Variants in FAM53B observed in about 807,000 individuals in gnomAD.
FAM53B encodes protein FAM53B.
FAM53B carries 12 observed loss-of-function variants against 32.7 expected under a neutral mutation model. The ratio of observed to expected loss-of-function variants is 0.37; its 90% CI spans 0.24 to 0.59. FAM53B has a LOEUF of 0.59. Among genes scored for constraint, FAM53B ranks in the 20% least tolerant of loss-of-function variants. The pLI is 0.72. For synonymous variants in FAM53B, 234 were observed against 228.7 expected, an observed-to-expected ratio of 1.02 and a Z score of -0.21; for missense variants, 477 against 577.7, an observed-to-expected ratio of 0.83 and a Z score of 1.79.
At chr10:124,680,248 T>TCA (rs1949760870) in intron 4 of FAM53B, among the ~76,000 whole-genome samples, 1 of 152,136 alleles carries the variant, frequency 6.6e-6, no homozygotes, top group African/African-American at 2.4e-5. Context: ...CCACACCCCT[T>TCA]CAGGCTCTCC....
At chr10:124,672,993 T>C (rs1397600855) in intron 4 of FAM53B, among the ~76,000 whole-genome samples, 6 of 152,114 alleles carry the variant, frequency 3.9e-5, no homozygotes, top group Non-Finnish European at 8.8e-5. Flanking sequence ...CTAAACAGGG[T>C]AGCTTAAAGA....
At chr10:124,663,227 G>A (rs1949645662) in intron 4 of FAM53B, among the ~76,000 whole-genome samples, 1 of 152,366 alleles carries the variant, frequency 6.6e-6, no homozygotes, top group South Asian at 2.1e-4. Context: ...CATGACCAAA[G>A]CCATCAGTGC....
intron 3 of FAM53B, among the ~76,000 whole-genome samples, chr10:124,687,938 C>T (rs1174518776): frequency 6.6e-6 from 1 of 152,162 alleles, no homozygotes; most frequent in Non-Finnish European, 1.5e-5. Flanking sequence ...CTGGTCTCTA[C>T]AAATTTGAAT....
intron 1 of FAM53B, among the ~76,000 whole-genome samples, chr10:124,743,279 A>G (rs1950210935): frequency 1.3e-5 from 2 of 152,192 alleles, no homozygotes; most frequent in South Asian, 4.1e-4. Context: ...CCTGACTCCC[A>G]CGGGCTTGCA....
intron 1 of FAM53B, among the ~76,000 whole-genome samples, chr10:124,735,044 C>G (rs1443778133): frequency 6.6e-6 from 1 of 152,206 alleles, no homozygotes; most frequent in South Asian, 2.1e-4. Flanking sequence ...GCAGGCCGAG[C>G]TGGGGGCAGG....
At chr10:124,657,096 A>ATG (rs1484799450) in intron 4 of FAM53B, among the ~76,000 whole-genome samples, 2 of 117,278 alleles carry the variant, frequency 1.7e-5, no homozygotes, top group Non-Finnish European at 1.9e-5. Context: ...GTGTATATAT[A>ATG]TGTGTATATA....
Position 124,721,610 on chromosome 10 carries a change from A to T in FAM53B, c.-174-14723T>A, listed in dbSNP as rs114256646. On this transcript the variant is annotated intron_variant, in intron 1 of 4. Transcript: ENST00000337318. ...CTTTTGCAGAGCTTACTTATGGGAGACAGTAAAGGAGTAAGACAGCTTCCT... is the reference window on the plus strand; with the variant it reads ...CTTTTGCAGAGCTTACTTATGGGAGTCAGTAAAGGAGTAAGACAGCTTCCT... 6.4e-3 allele frequency among the ~76,000 whole-genome samples: 971 copies of T among 152,348 alleles called. 11 individuals carry two copies. Among genetic ancestry groups the T allele is most frequent in the African/African-American group, 0.022 (926 of 41,582 alleles).
chr10:124,645,415 A>C (rs1453212759), intron 4 of FAM53B, among the ~76,000 whole-genome samples: 1 of 152,116 alleles, frequency 6.6e-6, no homozygotes. Flanking sequence ...CCCCTGAGAC[A>C]GGCTCTAGGG....
intron 1 of FAM53B, among the ~76,000 whole-genome samples, chr10:124,729,158 T>G (rs1236967797): frequency 1.3e-5 from 2 of 152,256 alleles, no homozygotes; most frequent in African/African-American, 4.8e-5. Context: ...GCCCGGGTTC[T>G]TTTGGGCACA....
intron 4 of FAM53B, among the ~76,000 whole-genome samples, chr10:124,634,448 G>A (rs937033265): frequency 6.6e-6 from 1 of 152,228 alleles, no homozygotes; most frequent in East Asian, 1.9e-4. Context: ...GGACGCAGTG[G>A]AAGGTAACTG....
chr10:124,674,080 G>A (rs577038496), intron 4 of FAM53B, among the ~76,000 whole-genome samples: 4 of 152,294 alleles, frequency 2.6e-5, no homozygotes, highest in South Asian at 2.1e-4. Context: ...CCTCTACCAC[G>A]TGGCAATAAG....
chr10:124,623,569 G>C lies in FAM53B; in HGVS notation c.942C>G (p.Ser314Arg). ...CQTFSSLSCL[S>R]AGTEDCGPQS... ...GGGGACCGCAGTCCTCTGTCCCTGC[G>C]CTCAGGCAGCTGAGGCTGCTGAAGG... is the stretch of plus-strand genomic sequence containing the variant. The change falls in exon 5 of 5, where the codon AGC (serine) becomes AGG (arginine). Residue 314 changes from serine (S) to arginine (R), a missense_variant. By Grantham distance (110) the Ser-to-Arg change is moderately radical. Around this residue, in one of 2 missense-constraint regions of FAM53B, gnomAD observed 165 missense variants for 157.5 expected, o/e 1.05. Coordinates refer to ENST00000337318, the MANE Select transcript of FAM53B (RefSeq NM_014661.4). 6.2e-7 allele frequency: 1 copy of C among 1,606,816 alleles called. No individual in the cohort carries two copies. Among genetic ancestry groups the C allele is most frequent in the Non-Finnish European group, 8.5e-7 (1 of 1,178,078 alleles).
At chr10:124,663,944 C>T (rs1949649528) in intron 4 of FAM53B, among the ~76,000 whole-genome samples, 1 of 152,148 alleles carries the variant, frequency 6.6e-6, no homozygotes, top group Non-Finnish European at 1.5e-5. Flanking sequence ...TATGCCCAGC[C>T]TCCCTGTTCG....
chr10:124,704,812 G>A (rs1949940721), intron 2 of FAM53B, among the ~76,000 whole-genome samples: 1 of 152,198 alleles, frequency 6.6e-6, no homozygotes, highest in South Asian at 2.1e-4. Context: ...TCTGGCTGCT[G>A]GGTGGAGAAC....
intron 4 of FAM53B, among the ~76,000 whole-genome samples, chr10:124,650,019 C>T (rs1009736596): frequency 6.6e-6 from 1 of 152,150 alleles, no homozygotes; most frequent in Admixed American, 6.6e-5. Flanking sequence ...TGCAGATTTC[C>T]AGCCATCTAC....
intron 1 of FAM53B, among the ~76,000 whole-genome samples, chr10:124,712,294 T>G (rs1305749846): frequency 6.6e-6 from 1 of 152,018 alleles, no homozygotes; most frequent in Non-Finnish European, 1.5e-5. Flanking sequence ...AGACAGAGGC[T>G]GCAGTGAGCC....
intron 4 of FAM53B, among the ~76,000 whole-genome samples, chr10:124,637,026 G>A (rs1444668056): frequency 2.0e-5 from 3 of 152,156 alleles, no homozygotes; most frequent in Admixed American, 6.5e-5. Context: ...AAACACAACT[G>A]ATTTATCTGC....
intron 1 of FAM53B, among the ~76,000 whole-genome samples, chr10:124,718,672 TAAC>T (rs1950050676): frequency 6.6e-6 from 1 of 152,242 alleles, no homozygotes. Flanking sequence ...GCTGCATGTG[TAAC>T]AACAGCCATC....
intron 4 of FAM53B, among the ~76,000 whole-genome samples, chr10:124,649,788 G>C (rs2134049862): frequency 6.6e-6 from 1 of 152,292 alleles, no homozygotes; most frequent in Non-Finnish European, 1.5e-5. Context: ...GACCCCAAAA[G>C]CAACCAAATA....
Sources: allele counts gnomAD v4.1 joint callset (sites outside exome capture counted in the v4.1 genomes callset), GRCh38; gene constraint gnomAD v4.1.1; regional missense constraint gnomAD v4.1.1; transcripts MANE v1.5; gene names NCBI Gene and HGNC (gene_info 2026-07-23, HGNC 2026-07-21).